Variants in SLC25A13 observed in about 807,000 individuals in gnomAD.
The protein encoded by SLC25A13 is solute carrier family 25 member 13.
SLC25A13 carries 70 observed loss-of-function variants against 85.5 expected under a neutral mutation model. The observed-to-expected ratio is 0.82, with a 90% CI of 0.68 to 1.00. The LOEUF (loss-of-function observed/expected upper bound fraction) is 1.00, where lower values mean the gene tolerates loss of function less well. SLC25A13 is among the 50% of genes least tolerant of loss of function. The pLI is 0.00. For missense variants in SLC25A13, 765 were observed against 819.8 expected (o/e 0.93, Z 0.82); for synonymous variants, 259 against 288.7 (o/e 0.90, Z 1.04).
chr7:96,319,341 G>C (rs1800247267), intron 1 of SLC25A13, among the ~76,000 whole-genome samples: 1 of 152,038 alleles, frequency 6.6e-6, no homozygotes, highest in Non-Finnish European at 1.5e-5. Context: ...GAGGTCAAGA[G>C]ATCCAAGACC....
Position 96,120,898 on chromosome 7 carries a change from A to G in SLC25A13, c.*293T>C, listed in dbSNP as rs925831789. ...TTCAAGGAGGGGAGTACTAATTTCT[A>G]TTCTGACTTGCTCCTTTCCCCAAAT... On this transcript the variant is annotated 3_prime_UTR_variant, in exon 18 of 18. Transcript: ENST00000265631. 3.8e-6 allele frequency: 2 copies of G among 527,632 alleles called. No homozygotes were observed. Among genetic ancestry groups the G allele is most frequent in the Non-Finnish European group, 3.6e-6 (1 of 275,386 alleles). The allele number at this position is 527,632 out of a possible 1,614,324, so 32.7% of individuals were successfully genotyped here. A position where few individuals can be genotyped will look rare whatever the true frequency, so the allele number is the denominator to read the frequency against.
chr7:96,172,581 A>T (rs936182391), intron 11 of SLC25A13, among the ~76,000 whole-genome samples: 2 of 151,800 alleles, frequency 1.3e-5, no homozygotes, highest in Admixed American at 6.5e-5. Flanking sequence ...ATCAATGAAC[A>T]CACTGACCTA....
chr7:96,128,938 T>TGCTC (rs1554336568), intron 15 of SLC25A13, among the ~76,000 whole-genome samples: 45 of 31,360 alleles, frequency 1.4e-3, no homozygotes, highest in African/African-American at 4.1e-3. Context: ...CTGCCTTGCT[T>TGCTC]GCTCTCTCTC....
intron 5 of SLC25A13, among the ~76,000 whole-genome samples, chr7:96,193,631 G>A (rs1794945856): frequency 6.6e-6 from 1 of 152,184 alleles, no homozygotes; most frequent in African/African-American, 2.4e-5. Context: ...TGTAACAATA[G>A]ATAGAAAAGA....
At chr7:96,183,902 A>G (rs979294312) in intron 11 of SLC25A13, among the ~76,000 whole-genome samples, 1 of 152,222 alleles carries the variant, frequency 6.6e-6, no homozygotes, top group African/African-American at 2.4e-5. Context: ...GGTGTATTCC[A>G]GGAAAATCAT....
rs1041632016 is a variant in SLC25A13 at position 96,120,353 on chromosome 7, G to T, written c.*838C>A. 1 of 454,080 alleles carries T rather than the reference G, an allele frequency of 2.2e-6. No homozygotes were observed. Among genetic ancestry groups the T allele is most frequent in the South Asian group, 1.6e-5 (1 of 64,472 alleles). 28.1% of individuals were successfully genotyped at this position (454,080 alleles called of 1,614,324 possible). A position where few individuals can be genotyped will look rare whatever the true frequency, so the allele number is the denominator to read the frequency against. On this transcript the variant is annotated 3_prime_UTR_variant, in exon 18 of 18. Coordinates refer to ENST00000265631, the MANE Select transcript of SLC25A13 (RefSeq NM_014251.3). ...ATTCAAGATAAAGTGGATTTTAAAA[G>T]CAAGTGGGTACCAATGATGGGGAGA...
chr7:96,200,389 C>T (rs568627580), intron 5 of SLC25A13, among the ~76,000 whole-genome samples: 16 of 152,290 alleles, frequency 1.1e-4, no homozygotes, highest in Middle Eastern at 3.4e-3. Flanking sequence ...TAAATATCCA[C>T]TTTATTTTCA....
intron 2 of SLC25A13, among the ~76,000 whole-genome samples, chr7:96,292,512 T>C (rs1165071156): frequency 6.6e-6 from 1 of 152,198 alleles, no homozygotes; most frequent in Non-Finnish European, 1.5e-5. Context: ...GATGACATGA[T>C]TGTATATTTA....
chr7:96,234,668 A>G lies in SLC25A13; in HGVS notation c.328+134T>C. The G allele has an allele frequency of 6.0e-6, 4 of 661,768 alleles. No homozygotes were observed. In the South Asian group the frequency reaches 6.9e-5, roughly 11 times the overall value. The allele number at this position is 661,768 out of a possible 1,614,324, so 41.0% of individuals were successfully genotyped here. A position where few individuals can be genotyped will look rare whatever the true frequency, so the allele number is the denominator to read the frequency against. On this transcript the variant is annotated intron_variant, in intron 4 of 17. Coordinates refer to ENST00000265631, the MANE Select transcript of SLC25A13 (RefSeq NM_014251.3). ...AACTGGAGCTCCAAAACATTGAAGT[A>G]TCTTTACTAAAAGGGATATACTATC...
At chr7:96,151,667 G>C (rs1043109369) in intron 13 of SLC25A13, among the ~76,000 whole-genome samples, 1 of 151,662 alleles carries the variant, frequency 6.6e-6, no homozygotes, top group African/African-American at 2.4e-5. Context: ...AATAGGTCGG[G>C]TGCAGTGACT....
intron 3 of SLC25A13, among the ~76,000 whole-genome samples, chr7:96,273,353 C>G (rs763810423): frequency 2.0e-5 from 3 of 152,072 alleles, no homozygotes; most frequent in Non-Finnish European, 4.4e-5. Context: ...AGGCAAAGAG[C>G]CATTTGAGGT....
At chr7:96,236,049 AGT>A (rs1562866824) in intron 3 of SLC25A13, among the ~76,000 whole-genome samples, 1 of 152,232 alleles carries the variant, frequency 6.6e-6, no homozygotes, top group Non-Finnish European at 1.5e-5. Flanking sequence ...CAGAAAACTT[AGT>A]TACTTCTAAA....
chr7:96,133,038 T>C (rs1458379941), intron 14 of SLC25A13, among the ~76,000 whole-genome samples: 1 of 152,196 alleles, frequency 6.6e-6, no homozygotes, highest in Non-Finnish European at 1.5e-5. Flanking sequence ...CTACTATAAC[T>C]TAATTAGTTG....
intron 3 of SLC25A13, among the ~76,000 whole-genome samples, chr7:96,244,127 C>T (rs745726805): frequency 3.3e-5 from 5 of 152,046 alleles, no homozygotes; most frequent in African/African-American, 7.3e-5. Context: ...GGCTTAATTA[C>T]GTGGGGTCTG....
At chr7:96,232,590 A>T (rs1057309196) in intron 4 of SLC25A13, among the ~76,000 whole-genome samples, 20 of 150,518 alleles carry the variant, frequency 1.3e-4, no homozygotes, top group African/African-American at 3.7e-4. Context: ...CCCTGAACTT[A>T]CGTTAAAAAA....
chr7:96,185,021 A>G lies in SLC25A13; in HGVS notation c.934-10T>C. On this transcript the variant is annotated splice_polypyrimidine_tract_variant and intron_variant, in intron 9 of 17. Coordinates refer to ENST00000265631, the MANE Select transcript of SLC25A13 (RefSeq NM_014251.3). ...AATCACCTGAGGCCTTCTGCTTTGC[A>G]TGCACAGGAATCAGAGAGCAGGAAA... The G allele has an allele frequency of 6.2e-7, 1 of 1,609,128 alleles. No homozygotes were observed. The highest frequency in any genetic ancestry group is 8.5e-7 in the Non-Finnish European group (1 of 1,177,724).
At chr7:96,147,804 A>G (rs1300011227) in intron 13 of SLC25A13, among the ~76,000 whole-genome samples, 1 of 152,214 alleles carries the variant, frequency 6.6e-6, no homozygotes, top group Non-Finnish European at 1.5e-5. Context: ...TATACTTTTA[A>G]GTAAAAATGC....
At chr7:96,157,912 C>G (rs4729239) in intron 13 of SLC25A13, among the ~76,000 whole-genome samples, 61,536 of 152,078 alleles carry the variant, frequency 0.4, 12,540 homozygotes, top group East Asian at 0.61. Flanking sequence ...TCTAAGTACT[C>G]CAAGAACAAT....
chr7:96,286,226 A>G (rs1250803204), intron 2 of SLC25A13, among the ~76,000 whole-genome samples: 5 of 150,754 alleles, frequency 3.3e-5, no homozygotes, highest in African/African-American at 1.2e-4. Context: ...CAGAGCTTGC[A>G]GTGAGCCAAG....
Sources: gnomAD v4.1 joint callset for allele counts (sites outside exome capture counted in the v4.1 genomes callset) on GRCh38, gnomAD v4.1.1 for gene constraint, MANE v1.5 for transcripts, NCBI Gene and HGNC (gene_info 2026-07-23, HGNC 2026-07-21) for gene names.